The following MAST2 variants were observed in gnomAD, a reference collection of about 807,000 sequenced individuals.
MAST2 encodes microtubule associated serine/threonine kinase 2.
MAST2 carries 70 observed loss-of-function variants against 147.4 expected under a neutral mutation model. That is an observed-to-expected ratio of 0.47 (90% CI 0.39 to 0.58). The LOEUF (loss-of-function observed/expected upper bound fraction) is 0.58. MAST2 is among the 20% of genes least tolerant of loss of function. The probability of loss-of-function intolerance (pLI) is 0.00; values close to 1 mark genes in which losing one functional copy is unlikely to be tolerated. For synonymous variants in MAST2, 869 were observed against 896.8 expected (o/e 0.97, Z 0.55); for missense variants, 2,080 against 2,302.3 (o/e 0.90, Z 1.98).
At chr1:45,954,481 A>G (rs948143669) in intron 4 of MAST2, among the ~76,000 whole-genome samples, 1 of 152,210 alleles carries the variant, frequency 6.6e-6, no homozygotes, top group East Asian at 1.9e-4. Flanking sequence ...CCAAGTAGCC[A>G]AGTGACTGGG....
intron 1 of MAST2, among the ~76,000 whole-genome samples, chr1:45,814,373 G>C (rs1448406878): frequency 6.6e-6 from 1 of 152,148 alleles, no homozygotes; most frequent in Non-Finnish European, 1.5e-5. Flanking sequence ...ATGTGGAGGT[G>C]GAAGACAGTG....
At chr1:45,911,899 T>TATTATTATG (rs1018164718) in intron 4 of MAST2, among the ~76,000 whole-genome samples, 1 of 131,590 alleles carries the variant, frequency 7.6e-6, no homozygotes. Context: ...TTATTATTAT[T>TATTATTATG]ATGTAGCCTG....
chr1:46,022,035 C>T lies in MAST2; in HGVS notation c.1376C>T (p.Pro459Leu). The change falls in exon 12 of 29, where the codon CCC becomes CTC. Residue 459 changes from proline to leucine, a missense_variant. Pro to Leu is a moderately conservative substitution (Grantham distance 98). Coordinates refer to ENST00000361297, the MANE Select transcript of MAST2 (RefSeq NM_015112.3). ...KEGQGIKCDI[P>L]RYIVSQLGLT... is the part of the protein sequence containing the mutation. ...GGACAAGGGATTAAATGTGACATTC[C>T]CCGCTACATCGTTAGCCAGCTGGGC... 6.2e-7 allele frequency: 1 copy of T among 1,614,168 alleles called. No homozygotes were observed. Among genetic ancestry groups the T allele is most frequent in the Non-Finnish European group, 8.5e-7 (1 of 1,180,030 alleles).
intron 3 of MAST2, among the ~76,000 whole-genome samples, chr1:45,880,019 G>A (rs1646775500): frequency 6.6e-6 from 1 of 152,164 alleles, no homozygotes; most frequent in African/African-American, 2.4e-5. Flanking sequence ...TAATGGGAAT[G>A]TAGCATGGTA....
intron 21 of MAST2, 48 bp downstream of exon 21, chr1:46,030,286 A>C (rs774021848): frequency 6.4e-7 from 1 of 1,571,130 alleles, no homozygotes; most frequent in Non-Finnish European, 8.7e-7. Context: ...GGAGGATCAG[A>C]AGAAGAGGGC....
chr1:46,027,755 C>T lies in MAST2; in HGVS notation c.1944C>T (p.His648=), dbSNP rs1304800625. 2.5e-6 allele frequency: 4 copies of T among 1,613,440 alleles called. No individual in the cohort carries two copies. Among genetic ancestry groups the T allele is most frequent in the East Asian group, 2.2e-5 (1 of 44,828 alleles). The part of the protein sequence containing the change: ...PDNLLITSMG[H]IKLTDFGLSK... ...GCCTCCTAATTACATCCATGGGGCA[C>T]ATCAAGCTCACGGACTTTGGACTGT... Residue 648 remains histidine, a synonymous_variant, in exon 17 of 29, where the codon CAC becomes CAT. Coordinates refer to ENST00000361297, the MANE Select transcript of MAST2 (RefSeq NM_015112.3).
intron 10 of MAST2, among the ~76,000 whole-genome samples, chr1:46,015,824 A>G (rs1645912782): frequency 6.6e-6 from 1 of 152,262 alleles, no homozygotes; most frequent in Non-Finnish European, 1.5e-5. Context: ...AACTCATTTT[A>G]TGATGCCAGC....
intron 7 of MAST2, among the ~76,000 whole-genome samples, chr1:46,005,680 C>T (rs1012067159): frequency 3.3e-5 from 5 of 152,176 alleles, no homozygotes; most frequent in African/African-American, 9.7e-5. Context: ...AATTTTCTTC[C>T]CTGCTGGATT....
chr1:46,025,185 G>A (rs1646351636), intron 15 of MAST2, among the ~76,000 whole-genome samples: 1 of 152,130 alleles, frequency 6.6e-6, no homozygotes, highest in Admixed American at 6.5e-5. Context: ...TGGGTGTGGT[G>A]GTGCACGCCT....
chr1:45,922,659 G>C (rs544530281), intron 4 of MAST2, among the ~76,000 whole-genome samples: 1 of 152,180 alleles, frequency 6.6e-6, no homozygotes, highest in Non-Finnish European at 1.5e-5. Flanking sequence ...CGAGGGGCAG[G>C]GGCCTTCCTA....
intron 1 of MAST2, among the ~76,000 whole-genome samples, chr1:45,823,041 C>G (rs1570237398): frequency 6.6e-6 from 1 of 152,050 alleles, no homozygotes; most frequent in East Asian, 1.9e-4. Context: ...TTGAAATTGT[C>G]TTTTTCTTCT....
chr1:46,030,637 C>T lies in MAST2; in HGVS notation c.2584C>T (p.Leu862Phe). 1.2e-6 allele frequency: 2 copies of T among 1,611,420 alleles called. No individual in the cohort carries two copies. The highest frequency in any genetic ancestry group is 1.7e-6 in the Non-Finnish European group (2 of 1,179,270). The change falls in exon 22 of 29, where the codon CTC becomes TTC. Residue 862 changes from leucine (L) to phenylalanine (F), a missense_variant. Coordinates refer to ENST00000361297, the MANE Select transcript of MAST2 (RefSeq NM_015112.3). ...VYSSMERLSLLEERRTPPPTK... is the reference protein window; with the variant it reads ...VYSSMERLSLFEERRTPPPTK... ...CAGCAGCATGGAGCGGCTCTCACTGCTCGAGGAGCGCCGGACACCACCCCC... is the reference window on the plus strand; with the variant it reads ...CAGCAGCATGGAGCGGCTCTCACTGTTCGAGGAGCGCCGGACACCACCCCC...
chr1:45,848,786 A>C (rs1645525685), intron 3 of MAST2, among the ~76,000 whole-genome samples: 1 of 152,242 alleles, frequency 6.6e-6, no homozygotes, highest in Admixed American at 6.5e-5. Flanking sequence ...GAGAGAAGTC[A>C]GATTATCCCT....
At chr1:45,920,542 C>CATA (rs1653296979) in intron 4 of MAST2, among the ~76,000 whole-genome samples, 1 of 152,066 alleles carries the variant, frequency 6.6e-6, no homozygotes, top group East Asian at 1.9e-4. Context: ...TCTGATTCCC[C>CATA]ATAATGATGA....
At chr1:45,871,254 T>G (rs1182679049) in intron 3 of MAST2, among the ~76,000 whole-genome samples, 1 of 151,518 alleles carries the variant, frequency 6.6e-6, no homozygotes, top group East Asian at 1.9e-4. Context: ...ATTGGTAGAG[T>G]TTTTTTTCTT....
chr1:45,899,307 C>CTT (rs770069959), intron 4 of MAST2, among the ~76,000 whole-genome samples: 28,025 of 108,014 alleles, frequency 0.26, 3,399 homozygotes, highest in South Asian at 0.37. Context: ...CCTTTCTTTT[C>CTT]TTTTTTTTTT....
intron 3 of MAST2, among the ~76,000 whole-genome samples, chr1:45,844,498 G>A (rs111672782): frequency 0.028 from 4,227 of 152,136 alleles, 84 homozygotes; most frequent in Non-Finnish European, 0.045. Context: ...TGGCCAGGCT[G>A]GTCCCAAACT....
intron 5 of MAST2, among the ~76,000 whole-genome samples, chr1:45,975,298 GA>G (rs1347578323): frequency 6.6e-6 from 1 of 152,096 alleles, no homozygotes; most frequent in Non-Finnish European, 1.5e-5. Context: ...CTCATTGAAT[GA>G]GGTAGAAAGC....
chr1:46,034,383 G>A (rs1476087200), intron 28 of MAST2, 117 bp downstream of exon 28: 4 of 1,358,774 alleles, frequency 2.9e-6, no homozygotes, highest in African/African-American at 1.5e-5. Flanking sequence ...CCCCCTGAAA[G>A]ATCCTGTAGT....
Sources: allele counts gnomAD v4.1 joint callset (sites outside exome capture counted in the v4.1 genomes callset), GRCh38; gene constraint gnomAD v4.1.1; transcripts MANE v1.5; gene names NCBI Gene and HGNC (gene_info 2026-07-23, HGNC 2026-07-21).